AGAP1: variants seen among roughly 807,000 people sequenced by gnomAD.
AGAP1 encodes ArfGAP with GTPase domain, ankyrin repeat and PH domain 1.
In AGAP1, 29 loss-of-function variants were observed where a neutral mutation model predicts 105.3. That is an observed-to-expected ratio of 0.28 (90% confidence interval 0.21 to 0.38). AGAP1 has a LOEUF of 0.38. Ranked by LOEUF, AGAP1 falls within the 10% of genes least tolerant of loss-of-function variation. The pLI is 1.00. For synonymous variants in AGAP1, 509 were observed against 485.9 expected, an observed-to-expected ratio of 1.05 and a Z score of -0.63; for missense variants, 998 against 1,165.1, an observed-to-expected ratio of 0.86 and a Z score of 2.09.
At chr2:235,512,599 ATCAG>A (rs1309042269) in intron 1 of AGAP1, among the ~76,000 whole-genome samples, 5 of 152,108 alleles carry the variant, frequency 3.3e-5, no homozygotes, top group African/African-American at 1.2e-4. Flanking sequence ...ATCATTAAAA[ATCAG>A]TCAATCAATC....
At chr2:235,581,756 G>A (rs2149190536) in intron 1 of AGAP1, among the ~76,000 whole-genome samples, 1 of 152,170 alleles carries the variant, frequency 6.6e-6, no homozygotes, top group South Asian at 2.1e-4. Flanking sequence ...AGTGAGCCGA[G>A]ATCGTGCTAC....
At chr2:235,634,051 GATT>G (rs952828277) in intron 1 of AGAP1, among the ~76,000 whole-genome samples, 8 of 152,202 alleles carry the variant, frequency 5.3e-5, no homozygotes, top group Admixed American at 4.6e-4. Context: ...CTGGTGCCCT[GATT>G]TTCTAAAGAT....
intron 1 of AGAP1, among the ~76,000 whole-genome samples, chr2:235,572,644 C>G (rs1944567144): frequency 6.6e-6 from 1 of 152,210 alleles, no homozygotes; most frequent in South Asian, 2.1e-4. Context: ...AAAATCTCAC[C>G]TCTCCAGAAA....
rs115735849 is a variant in AGAP1, at chr2:236,035,741, G to A, written c.1646-820G>A. ...ACAGGAATAATGAACAGAGGCCGAC[G>A]TGGATCTGTGGAGTGTCTCCTATGG... is the stretch of plus-strand genomic sequence containing the variant. On this transcript the variant is annotated intron_variant, in intron 13 of 17. Transcript: ENST00000304032. This position sits in a 1 kb window ranked among gnomAD's most constrained non-coding sequence, Gnocchi z 4.2. Among the ~76,000 whole-genome samples, 1,566 of 152,246 alleles carry A rather than the reference G, an allele frequency of 0.01. 25 individuals are homozygous for A. Among genetic ancestry groups the A allele is most frequent in the African/African-American group, 0.035 (1,451 of 41,530 alleles).
chr2:235,943,999 G>A (rs952006082), intron 12 of AGAP1, among the ~76,000 whole-genome samples: 6 of 152,280 alleles, frequency 3.9e-5, no homozygotes, highest in Middle Eastern at 3.4e-3. Flanking sequence ...CACAGAAGCA[G>A]ATGGTTATTT....
intron 16 of AGAP1, chr2:236,049,797 A>G (rs1366631241): frequency 6.6e-6 from 1 of 152,354 alleles, no homozygotes; most frequent in Admixed American, 6.5e-5. Flanking sequence ...ACTCCTCATT[A>G]ATGTTAATTG....
Position 235,807,345 on chromosome 2 carries a change from C to A in AGAP1, c.1050+14C>A. On this transcript the variant is annotated intron_variant, in intron 9 of 17. Transcript: ENST00000304032. Reference sequence around the variant, plus strand: ...CCAATTAAACAGGTGAGCAGCCTCCCCATCCTTCCCTCCCTGTCGCCGGAG... The same window carrying A: ...CCAATTAAACAGGTGAGCAGCCTCCACATCCTTCCCTCCCTGTCGCCGGAG... 1.3e-6 allele frequency: 2 copies of A among 1,572,440 alleles called. No individual in the cohort carries two copies.
At chr2:235,542,083 T>TCA (rs1374377115) in intron 1 of AGAP1, among the ~76,000 whole-genome samples, 1 of 152,276 alleles carries the variant, frequency 6.6e-6, no homozygotes, top group Non-Finnish European at 1.5e-5. Flanking sequence ...TGGAAGTTGT[T>TCA]ATCCTTTGTG....
rs938992112 is a variant in AGAP1 at position 235,973,123 on chromosome 2, C to T, written c.1645+4500C>T. Among the ~76,000 whole-genome samples the T allele has an allele frequency of 1.7e-4, 26 of 152,190 alleles. No homozygotes were observed. The highest frequency in any genetic ancestry group is 5.8e-4 in the African/African-American group (24 of 41,450). ...CAAACCCAGAAACACTGTGTCTACA[C>T]GGGGCTGTCAGGGTGACCGATGGAA... On this transcript the variant is annotated intron_variant, in intron 13 of 17. Transcript: ENST00000304032. The surrounding 1 kb of genome is among the most constrained non-coding windows in gnomAD (Gnocchi z 4.7).
At chr2:236,094,913 C>T (rs2059153776) in intron 16 of AGAP1, among the ~76,000 whole-genome samples, 1 of 139,162 alleles carries the variant, frequency 7.2e-6, no homozygotes. Flanking sequence ...AGCAAGAGAC[C>T]CCATCTCTAC....
At position 236,083,577 on chromosome 2, in the gene AGAP1, C is replaced by T. The variant is rs1287879842; in HGVS notation, c.2114+34296C>T. Reference sequence around the variant, plus strand: ...TTCCGTATAAATGTGTGCATGCTCACACCCATGCCTACATTAGAAAGAGAA... The same window carrying T: ...TTCCGTATAAATGTGTGCATGCTCATACCCATGCCTACATTAGAAAGAGAA... On this transcript the variant is annotated intron_variant, in intron 16 of 17. Coordinates refer to ENST00000304032, the MANE Select transcript of AGAP1 (RefSeq NM_001037131.3). This position sits in a 1 kb window ranked among gnomAD's most constrained non-coding sequence, Gnocchi z 5.3. Among the ~76,000 whole-genome samples the T allele has an allele frequency of 6.6e-6, 1 of 152,188 alleles. No homozygotes were observed. Among genetic ancestry groups the T allele is most frequent in the Non-Finnish European group, 1.5e-5 (1 of 68,034 alleles).
intron 12 of AGAP1, 147 bp from the exon 13 acceptor site, chr2:235,968,315 C>T: frequency 1.8e-6 from 2 of 1,108,096 alleles, no homozygotes; most frequent in Non-Finnish European, 1.2e-6. Context: ...TCTAGGCCTC[C>T]AACTCAGCAA....
rs559325593 is a variant in AGAP1 at position 235,830,938 on chromosome 2, A to G, written c.1050+23607A>G. On this transcript the variant is annotated intron_variant, in intron 9 of 17. Coordinates refer to ENST00000304032, the MANE Select transcript of AGAP1 (RefSeq NM_001037131.3). The surrounding 1 kb of genome is among the most constrained non-coding windows in gnomAD (Gnocchi z 5.5). ...GGACTGGATGGTGGGGACTCCTGTG[A>G]GAATGCTGATGGGTGCCGCCTCCTC... Among the ~76,000 whole-genome samples, 35 of 152,228 alleles carry G rather than the reference A, an allele frequency of 2.3e-4. No homozygotes were observed. The highest frequency in any genetic ancestry group is 6.3e-4 in the African/African-American group (26 of 41,522).
rs371599363 is a variant in AGAP1, at chr2:235,741,009, G to T, written c.357G>T (p.Leu119=). ...TTGTCGTTGATGGACAGAGCTATCT[G>T]CTGCTGATCAGAGATGAAGGGGGCC... The part of the protein sequence containing the change: ...KEIVVDGQSY[L]LLIRDEGGPP... The change falls in exon 4 of 18, where the codon CTG becomes CTT. Residue 119 remains leucine (L), a synonymous_variant. Coordinates refer to ENST00000304032, the MANE Select transcript of AGAP1 (RefSeq NM_001037131.3). The surrounding 1 kb of genome is among the most constrained non-coding windows in gnomAD (Gnocchi z 4.9). 6 of 1,614,084 alleles carry T rather than the reference G, an allele frequency of 3.7e-6. No homozygotes were observed. In the African/African-American group the frequency reaches 5.3e-5, roughly 14 times the overall value.
Position 235,963,351 on chromosome 2 carries a change from C to G in AGAP1, c.1484-5111C>G, listed in dbSNP as rs2054264503. Among the ~76,000 whole-genome samples the G allele has an allele frequency of 6.6e-6, 1 of 152,166 alleles. No homozygotes were observed. Reference sequence around the variant, plus strand: ...AATTCTGAGCTAGATGCCAGTGAGTCAGGTCACAACCAGGTGGGATTCTGA... The same window carrying G: ...AATTCTGAGCTAGATGCCAGTGAGTGAGGTCACAACCAGGTGGGATTCTGA... On this transcript the variant is annotated intron_variant, in intron 12 of 17. Transcript: ENST00000304032. The surrounding 1 kb of genome is among the most constrained non-coding windows in gnomAD (Gnocchi z 5.1).
intron 9 of AGAP1, among the ~76,000 whole-genome samples, chr2:235,815,949 C>T (rs368973287): frequency 6.6e-6 from 1 of 152,162 alleles, no homozygotes; most frequent in Non-Finnish European, 1.5e-5. Flanking sequence ...CCTTCCCTTG[C>T]GGAGGCAGCT....
rs1319401312 is a variant in AGAP1, at chr2:235,623,936, A to G, written c.164-85243A>G. Among the ~76,000 whole-genome samples, 1 of 152,166 alleles carries G rather than the reference A, an allele frequency of 6.6e-6. No individual in the cohort carries two copies. The highest frequency in any genetic ancestry group is 1.9e-4 in the East Asian group (1 of 5,190). ...GCTGTCTCCTGGAGAAGTTGGATCC[A>G]TTTGTGTTTCTGAGTGTGCTTGTAA... On this transcript the variant is annotated intron_variant, in intron 1 of 17. Coordinates refer to ENST00000304032, the MANE Select transcript of AGAP1 (RefSeq NM_001037131.3). This position sits in a 1 kb window ranked among gnomAD's most constrained non-coding sequence, Gnocchi z 4.5.
intron 7 of AGAP1, among the ~76,000 whole-genome samples, chr2:235,798,318 T>C (rs550254513): frequency 3.9e-5 from 6 of 152,364 alleles, no homozygotes; most frequent in Admixed American, 3.9e-4. Context: ...CTGCTATCTT[T>C]CCATAACAAC....
intron 1 of AGAP1, among the ~76,000 whole-genome samples, chr2:235,521,470 A>G (rs977309671): frequency 4.6e-5 from 7 of 152,116 alleles, no homozygotes; most frequent in East Asian, 1.9e-4. Context: ...ACCTATAACT[A>G]TTTTTTAATA....
Sources: allele counts gnomAD v4.1 joint callset (sites outside exome capture counted in the v4.1 genomes callset), GRCh38; gene constraint gnomAD v4.1.1; non-coding constraint Gnocchi (gnomAD v3.1); transcripts MANE v1.5; gene names NCBI Gene and HGNC (gene_info 2026-07-23, HGNC 2026-07-21).